NAALADL2: variants seen among roughly 807,000 people sequenced by gnomAD.
NAALADL2 encodes the protein N-acetylated alpha-linked acidic dipeptidase like 2, also known as inactive N-acetylated-alpha-linked acidic dipeptidase-like protein 2.
In NAALADL2, 76 loss-of-function variants were observed where a neutral mutation model predicts 87.2. The ratio of observed to expected loss-of-function variants is 0.87; its 90% CI spans 0.72 to 1.05. The LOEUF (loss-of-function observed/expected upper bound fraction) is 1.05. Among genes scored for constraint, NAALADL2 ranks in the 50% least tolerant of loss-of-function variants. The pLI is 0.00. For synonymous variants in NAALADL2, 354 were observed against 331.0 expected, an observed-to-expected ratio of 1.07 and a Z score of -0.75; for missense variants, 1,089 against 945.8, an observed-to-expected ratio of 1.15 and a Z score of -1.99.
chr3:175,784,618 T>C (rs1452721533), intron 13 of NAALADL2, among the ~76,000 whole-genome samples: 9 of 144,458 alleles, frequency 6.2e-5, no homozygotes, highest in African/African-American at 1.6e-4. Context: ...GTCTTGCTAG[T>C]GGTCTATCTA....
intron 5 of NAALADL2, among the ~76,000 whole-genome samples, chr3:175,364,454 G>T (rs76274934): frequency 0.02 from 2,959 of 147,858 alleles, 257 homozygotes; most frequent in African/African-American, 0.069. Context: ...AATAGTGCTA[G>T]AATTCCCTTG....
chr3:175,381,557 A>C (rs1767787566), intron 5 of NAALADL2, among the ~76,000 whole-genome samples: 1 of 152,112 alleles, frequency 6.6e-6, no homozygotes. Context: ...TGCTCTTTTT[A>C]CTAATGCATA....
At chr3:175,137,874 T>G (rs1729367048) in intron 2 of NAALADL2, among the ~76,000 whole-genome samples, 1 of 152,150 alleles carries the variant, frequency 6.6e-6, no homozygotes, top group Admixed American at 6.6e-5. Flanking sequence ...TCCACCTGCC[T>G]CGGCCTCCCA....
intron 1 of NAALADL2, among the ~76,000 whole-genome samples, chr3:174,479,747 A>C (rs1480110365): frequency 6.8e-6 from 1 of 146,250 alleles, no homozygotes; most frequent in Non-Finnish European, 1.5e-5. Flanking sequence ...TTAACTGCCT[A>C]CTATGTGTTT....
intron 1 of NAALADL2, among the ~76,000 whole-genome samples, chr3:174,968,482 C>A (rs1459961778): frequency 1.3e-5 from 2 of 151,978 alleles, no homozygotes; most frequent in Non-Finnish European, 2.9e-5. Flanking sequence ...TTGAATGACT[C>A]CACAGCCTGT....
chr3:174,979,315 TTTTTTTTTG>T, intron 1 of NAALADL2, among the ~76,000 whole-genome samples: 1 of 143,456 alleles, frequency 7.0e-6, no homozygotes, highest in Admixed American at 6.9e-5. Flanking sequence ...TTTTTTTTTT[TTTTTTTTTG>T]AGACGGAGTC....
intron 9 of NAALADL2, among the ~76,000 whole-genome samples, chr3:175,532,605 CTG>C (rs1028399976): frequency 7.0e-6 from 1 of 141,896 alleles, no homozygotes; most frequent in African/African-American, 2.6e-5. Flanking sequence ...TTTAGGAACA[CTG>C]TGATTAATTA....
At chr3:174,604,382 T>G (rs913487489) in intron 2 of NAALADL2, among the ~76,000 whole-genome samples, 2 of 152,206 alleles carry the variant, frequency 1.3e-5, no homozygotes, top group Admixed American at 6.5e-5. Flanking sequence ...GTATAGTTAC[T>G]CCTGCTGTTT....
chr3:175,786,774 G>A (rs1752031270), intron 13 of NAALADL2, among the ~76,000 whole-genome samples: 1 of 152,116 alleles, frequency 6.6e-6, no homozygotes, highest in Non-Finnish European at 1.5e-5. Flanking sequence ...AGGAGGAGGA[G>A]GAGGAGAGGC....
At chr3:174,469,557 T>A (rs557050220) in intron 1 of NAALADL2, among the ~76,000 whole-genome samples, 1 of 152,084 alleles carries the variant, frequency 6.6e-6, no homozygotes, top group Admixed American at 6.6e-5. Flanking sequence ...GCCTCCCGAG[T>A]AGCTGGGACT....
In NAALADL2 at chr3:174,885,880, T is replaced by G. The variant is rs911946856; in HGVS notation, c.43+26430T>G. On this transcript the variant is annotated intron_variant, in intron 1 of 13. Transcript: ENST00000454872. ...CAAGGAGAGCCAGTCCGAGTTGTTT[T>G]TTTTTTTTTTTTTTTTTTTTTTTTT... Among the ~76,000 whole-genome samples, 5 of 4,760 alleles carry G rather than the reference T, an allele frequency of 1.1e-3. No individual in the cohort carries two copies. In the East Asian group the frequency reaches 0.014, roughly 13 times the overall value. 3.1% of individuals were successfully genotyped at this position (4,760 alleles called of 152,430 possible). A position where few individuals can be genotyped will look rare whatever the true frequency, so the allele number is the denominator to read the frequency against.
At chr3:174,909,801 A>G (rs1298674716) in intron 1 of NAALADL2, among the ~76,000 whole-genome samples, 1 of 152,176 alleles carries the variant, frequency 6.6e-6, no homozygotes, top group Non-Finnish European at 1.5e-5. Context: ...AGAACCTAGC[A>G]CATAGTATGA....
intron 2 of NAALADL2, among the ~76,000 whole-genome samples, chr3:175,148,088 A>G (rs979211303): frequency 1.6e-5 from 2 of 126,288 alleles, no homozygotes; most frequent in Admixed American, 7.4e-5. Flanking sequence ...TAATAATGAT[A>G]ATGATAATAA....
intron 2 of NAALADL2, among the ~76,000 whole-genome samples, chr3:175,231,918 A>G (rs1744992840): frequency 6.6e-6 from 1 of 152,116 alleles, no homozygotes; most frequent in South Asian, 2.1e-4. Context: ...TACAGAGAGA[A>G]TGCAATAGCA....
intron 13 of NAALADL2, among the ~76,000 whole-genome samples, chr3:175,788,689 G>T (rs1227593647): frequency 6.6e-6 from 1 of 152,144 alleles, no homozygotes; most frequent in Admixed American, 6.5e-5. Context: ...TATGACTGTA[G>T]TTTAATTTTA....
chr3:175,012,159 T>A (rs1378283780), intron 1 of NAALADL2, among the ~76,000 whole-genome samples: 2 of 152,094 alleles, frequency 1.3e-5, no homozygotes, highest in African/African-American at 4.8e-5. Flanking sequence ...GCATTGTGAA[T>A]TATTTTATTT....
intron 1 of NAALADL2, among the ~76,000 whole-genome samples, chr3:174,988,928 G>C (rs1397924252): frequency 6.6e-6 from 1 of 152,186 alleles, no homozygotes; most frequent in Non-Finnish European, 1.5e-5. Flanking sequence ...TTTGGCTCAT[G>C]GTTCTGCAGA....
At chr3:174,659,189 C>A (rs2108774250) in intron 2 of NAALADL2, among the ~76,000 whole-genome samples, 1 of 152,120 alleles carries the variant, frequency 6.6e-6, no homozygotes, top group Admixed American at 6.6e-5. Flanking sequence ...TTTATTGGTG[C>A]CTAATTAAAT....
At chr3:175,158,856 T>C (rs1024086172) in intron 2 of NAALADL2, among the ~76,000 whole-genome samples, 4 of 152,104 alleles carry the variant, frequency 2.6e-5, no homozygotes, top group Non-Finnish European at 5.9e-5. Context: ...ATAATGAATA[T>C]ATTGGAATGA....
Sources: gnomAD v4.1 joint callset for allele counts (sites outside exome capture counted in the v4.1 genomes callset) on GRCh38, gnomAD v4.1.1 for gene constraint, MANE v1.5 for transcripts, NCBI Gene and HGNC (gene_info 2026-07-23, HGNC 2026-07-21) for gene names.